Variants in PCCA observed in about 807,000 individuals in gnomAD.
PCCA encodes the protein propionyl-CoA carboxylase subunit alpha.
PCCA carries 74 observed loss-of-function variants against 101.3 expected under a neutral mutation model. That is an observed-to-expected ratio of 0.73 (90% CI 0.61 to 0.89). The LOEUF (loss-of-function observed/expected upper bound fraction) is 0.89, where lower values mean the gene tolerates loss of function less well. Among genes scored for constraint, PCCA ranks in the 40% least tolerant of loss-of-function variants. The pLI, the probability that PCCA is intolerant of heterozygous loss-of-function variation, is 0.00. For synonymous variants in PCCA, 294 were observed against 313.6 expected (o/e 0.94, Z 0.66); for missense variants, 891 against 907.0 (o/e 0.98, Z 0.23).
In PCCA at chr13:100,492,505, CTGAA is replaced by C. The variant is rs2084980101; in HGVS notation, c.1900-22916_1900-22913del. ...GGTGTTTGCAGCCTCATGCAGTTGA[CTGAA>C]TGAATTGGCCCCAGAGTCACCCCTA... On this transcript the variant is annotated intron_variant, in intron 21 of 23. Coordinates refer to ENST00000376285, the MANE Select transcript of PCCA (RefSeq NM_000282.4). Among the ~76,000 whole-genome samples, 2 of 151,834 alleles carry C rather than the reference CTGAA, an allele frequency of 1.3e-5. 1 individual carries two copies. The highest frequency in any genetic ancestry group is 2.9e-5 in the Non-Finnish European group (2 of 68,002).
At chr13:100,335,287 C>G (rs919564639) in intron 17 of PCCA, among the ~76,000 whole-genome samples, 1 of 152,008 alleles carries the variant, frequency 6.6e-6, no homozygotes, top group Non-Finnish European at 1.5e-5. Context: ...ATATTTTTCC[C>G]CCTACCCCCA....
chr13:100,149,826 T>G (rs932226112), intron 4 of PCCA: 3 of 152,208 alleles, frequency 2.0e-5, no homozygotes, highest in Admixed American at 6.5e-5. Flanking sequence ...TGTACTAGTT[T>G]AGAAGGTATT....
At chr13:100,412,396 C>A (rs895532331) in intron 19 of PCCA, among the ~76,000 whole-genome samples, 2 of 152,082 alleles carry the variant, frequency 1.3e-5, no homozygotes, top group African/African-American at 2.4e-5. Context: ...AAGGGAACTC[C>A]GTGTACTATT....
At chr13:100,252,618 T>C (rs1274376619) in intron 8 of PCCA, among the ~76,000 whole-genome samples, 1 of 152,120 alleles carries the variant, frequency 6.6e-6, no homozygotes. Flanking sequence ...AAAAGTAAGG[T>C]TATTTATTGT....
chr13:100,500,410 A>G (rs532583744), intron 21 of PCCA, among the ~76,000 whole-genome samples: 73 of 152,206 alleles, frequency 4.8e-4, no homozygotes, highest in Non-Finnish European at 9.1e-4. Context: ...TAGTTCATGT[A>G]ATAATAACAT....
At chr13:100,142,597 C>G (rs574844731) in intron 4 of PCCA, among the ~76,000 whole-genome samples, 1 of 152,028 alleles carries the variant, frequency 6.6e-6, no homozygotes, top group East Asian at 1.9e-4. Context: ...CCTCAGCCTC[C>G]CGAGTAGTTA....
At chr13:100,147,773 A>G (rs2152362462) in intron 4 of PCCA, among the ~76,000 whole-genome samples, 1 of 152,108 alleles carries the variant, frequency 6.6e-6, no homozygotes, top group Non-Finnish European at 1.5e-5. Context: ...CTTAGGTAGT[A>G]TTATTTATTT....
intron 2 of PCCA, among the ~76,000 whole-genome samples, chr13:100,103,304 T>C (rs1431905450): frequency 1.3e-5 from 2 of 151,896 alleles, no homozygotes; most frequent in African/African-American, 4.9e-5. Flanking sequence ...TTTTCTTTCA[T>C]TTACTTAATA....
chr13:100,482,773 C>G (rs546648479), intron 21 of PCCA, among the ~76,000 whole-genome samples: 34 of 152,292 alleles, frequency 2.2e-4, no homozygotes, highest in African/African-American at 7.2e-4. Context: ...GTAATCCCAG[C>G]ACTTTGGGAG....
chr13:100,425,671 G>A lies in PCCA; in HGVS notation c.1785G>A (p.Thr595=), dbSNP rs766312551. The part of the protein sequence containing the change: ...VDGSKLNVTS[T]WNLASPLLSV... ...GGTCGAAACTAAATGTGACCAGCAC[G>A]TGGAACCTGGCTTCGCCCTTATTGT... is the stretch of plus-strand genomic sequence containing the variant. Residue 595 remains threonine, a synonymous_variant, in exon 20 of 24, where the codon ACG becomes ACA. Transcript: ENST00000376285. The A allele has an allele frequency of 5.6e-6, 9 of 1,614,006 alleles. No individual in the cohort carries two copies. Among genetic ancestry groups the A allele is most frequent in the East Asian group, 2.2e-5 (1 of 44,892 alleles).
chr13:100,234,340 A>G (rs1440555629), intron 7 of PCCA, among the ~76,000 whole-genome samples: 1 of 152,188 alleles, frequency 6.6e-6, no homozygotes, highest in Non-Finnish European at 1.5e-5. Context: ...ATGTAGGGTC[A>G]GCGAAAACAG....
intron 21 of PCCA, among the ~76,000 whole-genome samples, chr13:100,501,372 C>T (rs183886863): frequency 8.5e-5 from 13 of 152,288 alleles, no homozygotes; most frequent in Admixed American, 2.0e-4. Context: ...CCTCCCACCC[C>T]GTCACCCTTC....
At chr13:100,265,808 A>G (rs1210318562) in intron 10 of PCCA, among the ~76,000 whole-genome samples, 1 of 151,122 alleles carries the variant, frequency 6.6e-6, no homozygotes, top group African/African-American at 2.4e-5. Context: ...AAGGTAGACC[A>G]GATTTTCTAA....
chr13:100,197,638 C>T (rs2058199680), intron 6 of PCCA, among the ~76,000 whole-genome samples: 1 of 152,058 alleles, frequency 6.6e-6, no homozygotes, highest in African/African-American at 2.4e-5. Flanking sequence ...GAGATGGTTT[C>T]ACCCTGTTGG....
At chr13:100,278,485 ATTT>A (rs35433903) in intron 12 of PCCA, among the ~76,000 whole-genome samples, 1 of 141,674 alleles carries the variant, frequency 7.1e-6, no homozygotes, top group African/African-American at 2.6e-5. Flanking sequence ...CCGATAGTTG[ATTT>A]TTTTTTTTTT....
chr13:100,444,658 G>A lies in PCCA; in HGVS notation c.1846-4594G>A, dbSNP rs552930766. ...GAGTTTCACCATGTTAGCCAGGATG[G>A]TCTCAATCTCCTGACCTGGTGATCC... On this transcript the variant is annotated intron_variant, in intron 20 of 23. Coordinates refer to ENST00000376285, the MANE Select transcript of PCCA (RefSeq NM_000282.4). 1.0e-3 allele frequency among the ~76,000 whole-genome samples: 152 copies of A among 152,038 alleles called. 1 individual carries two copies. The highest frequency in any genetic ancestry group is 3.0e-3 in the Admixed American group (46 of 15,260).
intron 19 of PCCA, among the ~76,000 whole-genome samples, chr13:100,422,144 T>TC (rs2078868691): frequency 6.0e-5 from 8 of 132,338 alleles, no homozygotes; most frequent in Admixed American, 2.4e-4. Context: ...TCTTTTTTTT[T>TC]TTTTTTTTGA....
intron 19 of PCCA, among the ~76,000 whole-genome samples, chr13:100,408,684 G>C (rs893774653): frequency 6.6e-6 from 1 of 152,176 alleles, no homozygotes; most frequent in African/African-American, 2.4e-5. Context: ...GCTAAACAAA[G>C]CCTTGCCACT....
intron 21 of PCCA, among the ~76,000 whole-genome samples, chr13:100,481,834 C>G (rs905249143): frequency 6.6e-6 from 1 of 152,090 alleles, no homozygotes; most frequent in Admixed American, 6.5e-5. Context: ...GTAAATGAAA[C>G]CTTGGAAAGC....
Sources: allele counts gnomAD v4.1 joint callset (sites outside exome capture counted in the v4.1 genomes callset), GRCh38; gene constraint gnomAD v4.1.1; transcripts MANE v1.5; gene names NCBI Gene and HGNC (gene_info 2026-07-23, HGNC 2026-07-21).